Variants in RNF216 observed in about 807,000 individuals in gnomAD.
RNF216 encodes the protein E3 ubiquitin-protein ligase RNF216.
RNF216 carries 72 observed loss-of-function variants against 110.8 expected under a neutral mutation model. That is an observed-to-expected ratio of 0.65 (90% CI 0.54 to 0.79). The LOEUF (loss-of-function observed/expected upper bound fraction) is 0.79. RNF216 is among the 30% of genes least tolerant of loss of function. The probability of loss-of-function intolerance (pLI) is 0.00; values close to 1 mark genes in which losing one functional copy is unlikely to be tolerated. For synonymous variants in RNF216, 495 were observed against 407.5 expected, an observed-to-expected ratio of 1.21 and a Z score of -2.59; for missense variants, 1,342 against 1,141.2, an observed-to-expected ratio of 1.18 and a Z score of -2.54.
chr7:5,724,329 A>C (rs1793621729), intron 8 of RNF216, among the ~76,000 whole-genome samples: 1 of 152,234 alleles, frequency 6.6e-6, no homozygotes, highest in South Asian at 2.1e-4. Context: ...ACATGCTGAC[A>C]AATATAAAGG....
chr7:5,636,774 T>C (rs1249576515), intron 15 of RNF216, among the ~76,000 whole-genome samples: 1 of 152,214 alleles, frequency 6.6e-6, no homozygotes. Flanking sequence ...TGCCTGACCT[T>C]CCTTTCAAAC....
intron 1 of RNF216, among the ~76,000 whole-genome samples, chr7:5,779,627 G>T (rs904791889): frequency 6.9e-6 from 1 of 145,214 alleles, no homozygotes; most frequent in Non-Finnish European, 1.5e-5. Context: ...AAACCCAGGA[G>T]TTGGGCAGCA....
In RNF216 at chr7:5,697,629, C is replaced by T. The variant is rs1209713324; in HGVS notation, c.2061+14132G>A. On this transcript the variant is annotated intron_variant, in intron 13 of 16. Coordinates refer to ENST00000389902, the MANE Select transcript of RNF216 (RefSeq NM_207111.4). ...TCCTGTGCAGCTGGGACTACAAGTGCGCACCACCACTCCCAGCCTGGGGAA... is the reference window on the plus strand; with the variant it reads ...TCCTGTGCAGCTGGGACTACAAGTGTGCACCACCACTCCCAGCCTGGGGAA... 3.3e-5 allele frequency among the ~76,000 whole-genome samples: 5 copies of T among 152,086 alleles called. No individual in the cohort carries two copies. In the East Asian group the frequency reaches 5.8e-4, roughly 18 times the overall value.
At chr7:5,698,807 C>T (rs998216331) in intron 13 of RNF216, among the ~76,000 whole-genome samples, 1 of 152,192 alleles carries the variant, frequency 6.6e-6, no homozygotes, top group Non-Finnish European at 1.5e-5. Flanking sequence ...AGGAAACCTT[C>T]CCTCCTCTAG....
intron 13 of RNF216, among the ~76,000 whole-genome samples, chr7:5,705,551 T>C (rs1337194808): frequency 8.5e-5 from 13 of 152,156 alleles, no homozygotes; most frequent in Admixed American, 8.5e-4. Flanking sequence ...AAACAGACTT[T>C]GTTCTCACTC....
chr7:5,624,512 G>A lies in RNF216; in HGVS notation c.2383-387C>T, dbSNP rs1016937115. ...AGTTTCAGATCCCAAGTCCACAAGC[G>A]CTCGGCATGGCAGCCTGTCTGCAGA... On this transcript the variant is annotated intron_variant, in intron 15 of 16. Transcript: ENST00000389902. This position sits in a 1 kb window ranked among gnomAD's most constrained non-coding sequence, Gnocchi z 4.4. Among the ~76,000 whole-genome samples the A allele has an allele frequency of 2.0e-5, 3 of 152,352 alleles. No individual in the cohort carries two copies. The highest frequency in any genetic ancestry group is 4.4e-5 in the Non-Finnish European group (3 of 68,040).
chr7:5,767,638 C>G (rs1391769288), intron 1 of RNF216, among the ~76,000 whole-genome samples: 1 of 150,762 alleles, frequency 6.6e-6, no homozygotes, highest in Non-Finnish European at 1.5e-5. Flanking sequence ...TTTTGCTCTG[C>G]CACCCAGGCT....
chr7:5,668,469 C>T (rs973103108), intron 13 of RNF216, among the ~76,000 whole-genome samples: 15 of 152,008 alleles, frequency 9.9e-5, no homozygotes, highest in Non-Finnish European at 2.1e-4. Context: ...GTGATCTGCC[C>T]GCCTCGGCCT....
At chr7:5,754,119 G>GGTGTGTGTGTGT (rs10543449) in intron 2 of RNF216, among the ~76,000 whole-genome samples, 1 of 141,998 alleles carries the variant, frequency 7.0e-6, no homozygotes, top group African/African-American at 2.7e-5. Context: ...TCTTTTGTGT[G>GGTGTGTGTGTGT]GTGTGTGTGT....
At chr7:5,685,791 C>T (rs753867189) in intron 13 of RNF216, among the ~76,000 whole-genome samples, 2 of 152,176 alleles carry the variant, frequency 1.3e-5, no homozygotes, top group African/African-American at 4.8e-5. Flanking sequence ...ATATTCAAAG[C>T]CCCATTAATC....
At chr7:5,688,582 A>T (rs983344163) in intron 13 of RNF216, among the ~76,000 whole-genome samples, 14 of 152,210 alleles carry the variant, frequency 9.2e-5, no homozygotes, top group African/African-American at 3.4e-4. Context: ...GAAAAAAGTT[A>T]AAGGCGCATG....
intron 8 of RNF216, among the ~76,000 whole-genome samples, chr7:5,722,014 T>TG (rs1389341178): frequency 6.6e-6 from 1 of 152,214 alleles, no homozygotes; most frequent in East Asian, 1.9e-4. Context: ...CCTCAACTCC[T>TG]GGGCTCAGGC....
Position 5,731,645 on chromosome 7 carries a change from G to T in RNF216, c.1122-828C>A, listed in dbSNP as rs976757426. On this transcript the variant is annotated intron_variant, in intron 5 of 16. Transcript: ENST00000389902. ...AGCTCTAGCCACATTCAGTAGCAAG[G>T]AAGCTTCTTTGCTCGGAGGGTAATG... Among the ~76,000 whole-genome samples, 48 of 151,480 alleles carry T rather than the reference G, an allele frequency of 3.2e-4. 2 individuals carry two copies. Among genetic ancestry groups the T allele is most frequent in the African/African-American group, 1.2e-3 (48 of 40,758 alleles).
chr7:5,724,055 T>C (rs181860949), intron 8 of RNF216, among the ~76,000 whole-genome samples: 57 of 152,174 alleles, frequency 3.7e-4, no homozygotes, highest in African/African-American at 1.3e-3. Flanking sequence ...ATGAAGTTAA[T>C]GGGAAAATGT....
intron 9 of RNF216, among the ~76,000 whole-genome samples, chr7:5,720,197 C>A (rs1292179045): frequency 1.3e-5 from 2 of 152,216 alleles, no homozygotes; most frequent in African/African-American, 4.8e-5. Context: ...GAGATGTGAA[C>A]TGTGGGGACC....
chr7:5,711,505 T>C (rs949331523), intron 13 of RNF216, among the ~76,000 whole-genome samples: 3 of 152,196 alleles, frequency 2.0e-5, no homozygotes, highest in Non-Finnish European at 4.4e-5. Flanking sequence ...CTTTACATTA[T>C]AGTATCTGTC....
chr7:5,753,275 T>C (rs1795430289), intron 2 of RNF216, among the ~76,000 whole-genome samples: 1 of 152,198 alleles, frequency 6.6e-6, no homozygotes, highest in African/African-American at 2.4e-5. Context: ...TGACTGCCAA[T>C]TTCTTTAAAG....
rs558343199 is a variant in RNF216 at position 5,694,174 on chromosome 7, G to A, written c.2061+17587C>T. On this transcript the variant is annotated intron_variant, in intron 13 of 16. Coordinates refer to ENST00000389902, the MANE Select transcript of RNF216 (RefSeq NM_207111.4). ...GAATCCAGAAAGGTCTTACTAAAAA[G>A]GGCATTTTGTAAACTTTCCATTTTA... 9.2e-5 allele frequency among the ~76,000 whole-genome samples: 14 copies of A among 152,268 alleles called. No homozygotes were observed. The South Asian group carries it at 2.9e-3, about 32-fold the overall frequency.
intron 13 of RNF216, among the ~76,000 whole-genome samples, chr7:5,708,948 A>C (rs1461529243): frequency 1.3e-5 from 2 of 152,172 alleles, no homozygotes; most frequent in African/African-American, 4.8e-5. Flanking sequence ...CCTCTGGCGC[A>C]GTACAAACCA....
Sources: allele counts gnomAD v4.1 joint callset (sites outside exome capture counted in the v4.1 genomes callset), GRCh38; gene constraint gnomAD v4.1.1; non-coding constraint Gnocchi (gnomAD v3.1); transcripts MANE v1.5; gene names NCBI Gene and HGNC (gene_info 2026-07-23, HGNC 2026-07-21).